LGI3: variants seen among roughly 807,000 people sequenced by gnomAD.
LGI3 encodes the protein leucine rich repeat LGI family member 3.
A neutral mutation model predicts 55.4 loss-of-function variants in LGI3; 47 were observed. The observed-to-expected ratio is 0.85, with a 90% CI of 0.67 to 1.08. The LOEUF (loss-of-function observed/expected upper bound fraction) is 1.08. LGI3 is among the 50% of genes least tolerant of loss of function. The probability of loss-of-function intolerance (pLI) is 0.00; values close to 1 mark genes in which losing one functional copy is unlikely to be tolerated. For missense variants in LGI3, 664 were observed against 726.3 expected (o/e 0.91, Z 0.99); for synonymous variants, 326 against 315.0 (o/e 1.04, Z -0.37).
chr8:22,154,536 A>G lies in LGI3; in HGVS notation c.350+24T>C, dbSNP rs201119376. 316 of 1,609,038 alleles carry G rather than the reference A, an allele frequency of 2.0e-4. 3 individuals carry two copies. In the East Asian group the frequency reaches 6.7e-3, roughly 34 times the overall value. On this transcript the variant is annotated intron_variant, in intron 3 of 7. Coordinates refer to ENST00000306317, the MANE Select transcript of LGI3 (RefSeq NM_139278.4). ...GGGTCCCCCTCCCTTCTGCTTTCCC[A>G]TTGCCCCTTTCCCTCCCACACACAG...
At chr8:22,154,251 G>A in intron 3 of LGI3, 38 bp from the exon 4 acceptor site, 1 of 1,540,022 alleles carries the variant, frequency 6.5e-7, no homozygotes, top group Non-Finnish European at 9.0e-7. Context: ...GCTCACACAG[G>A]ATGCCAGACC....
At chr8:22,150,390 G>A (rs918474161) in intron 7 of LGI3, among the ~76,000 whole-genome samples, 16 of 113,364 alleles carry the variant, frequency 1.4e-4, no homozygotes, top group Admixed American at 6.6e-4. Context: ...ATGGAGTCTC[G>A]CTCTGTCACC....
At chr8:22,152,706 A>T (rs1827395267) in intron 5 of LGI3, among the ~76,000 whole-genome samples, 1 of 143,276 alleles carries the variant, frequency 7.0e-6, no homozygotes, top group Non-Finnish European at 1.5e-5. Context: ...ACGCCATTGC[A>T]CTCCAGCCTG....
chr8:22,148,118 C>T lies in LGI3; in HGVS notation c.*42G>A. 2 of 1,503,932 alleles carry T rather than the reference C, an allele frequency of 1.3e-6. No homozygotes were observed. Among genetic ancestry groups the T allele is most frequent in the Non-Finnish European group, 8.9e-7 (1 of 1,120,578 alleles). The allele number at this position is 1,503,932 out of a possible 1,614,324, so 93.2% of individuals were successfully genotyped here. ...GTGCTCACAGAGGCCCCCACCCATC[C>T]TCCAGTGGCCACCCTGAGGAGACCA... On this transcript the variant is annotated 3_prime_UTR_variant, in exon 8 of 8. Coordinates refer to ENST00000306317, the MANE Select transcript of LGI3 (RefSeq NM_139278.4). This position sits in a 1 kb window ranked among gnomAD's most constrained non-coding sequence, Gnocchi z 7.0.
At chr8:22,154,681 C>A in intron 2 of LGI3, 50 bp from the exon 3 acceptor site, 2 of 1,354,968 alleles carry the variant, frequency 1.5e-6, no homozygotes, top group South Asian at 2.3e-5. Flanking sequence ...GCCTGCTGCC[C>A]CAGCCCCCAG....
intron 5 of LGI3, among the ~76,000 whole-genome samples, chr8:22,152,325 A>T (rs530765529): frequency 6.6e-6 from 1 of 152,322 alleles, no homozygotes; most frequent in South Asian, 2.1e-4. Flanking sequence ...TTATTTTCTT[A>T]TAAATAACAA....
At position 22,156,423 on chromosome 8, in the gene LGI3, C is replaced by T. The variant is rs775717889; in HGVS notation, c.120G>A (p.Pro40=). The change falls in exon 1 of 8, where the codon CCG becomes CCA. Residue 40 remains proline (P), a synonymous_variant. Coordinates refer to ENST00000306317, the MANE Select transcript of LGI3 (RefSeq NM_139278.4). ...AKRPPKTPPC[P]PSCSCTRDTA... is the part of the protein sequence containing the mutation. ...TGTCCCTGGTGCAAGAGCAGCTGGGCGGGCAGGGGGGCGTCTTGGGGGGCC... is the reference window on the plus strand; with the variant it reads ...TGTCCCTGGTGCAAGAGCAGCTGGGTGGGCAGGGGGGCGTCTTGGGGGGCC... 2.5e-6 allele frequency: 4 copies of T among 1,585,022 alleles called. No individual in the cohort carries two copies. The highest frequency in any genetic ancestry group is 1.1e-5 in the South Asian group (1 of 88,010).
At position 22,156,602 on chromosome 8, in the gene LGI3, G is replaced by T; in HGVS notation, c.-60C>A. The T allele has an allele frequency of 1.7e-6, 1 of 585,380 alleles. No homozygotes were observed. Among genetic ancestry groups the T allele is most frequent in the Non-Finnish European group, 2.4e-6 (1 of 418,146 alleles). 36.3% of individuals were successfully genotyped at this position (585,380 alleles called of 1,614,324 possible). A position where few individuals can be genotyped will look rare whatever the true frequency, so the allele number is the denominator to read the frequency against. On this transcript the variant is annotated 5_prime_UTR_variant, in exon 1 of 8. Coordinates refer to ENST00000306317, the MANE Select transcript of LGI3 (RefSeq NM_139278.4). The stretch of plus-strand genomic sequence containing the variant: ...CGGCCCCCGCCCCACCGCTCCCGCG[G>T]CTGGGCCACCCCGCGCGGGCTGGCA...
intron 3 of LGI3, 166 bp downstream of exon 3, chr8:22,154,394 C>A: frequency 1.3e-6 from 1 of 778,400 alleles, no homozygotes; most frequent in African/African-American, 1.7e-5. Flanking sequence ...ATGAATGAAA[C>A]GACCTTCTGC....
At position 22,148,927 on chromosome 8, in the gene LGI3, C is replaced by T. The variant is rs776385263; in HGVS notation, c.880G>A (p.Val294Met). Reference sequence around the variant, plus strand: ...CCGCCAAACAGCTGGGCCACGACCACGTACAGCTGGCTGTCCACCACCATC... The same window carrying T: ...CCGCCAAACAGCTGGGCCACGACCATGTACAGCTGGCTGTCCACCACCATC... ...KPMVVDSQLY[V>M]VVAQLFGGSY... The change falls in exon 8 of 8, where the codon GTG (valine) becomes ATG (methionine). Residue 294 changes from valine (V) to methionine (M), a missense_variant. Physicochemically the swap from Val to Met is conservative, Grantham distance 21. Coordinates refer to ENST00000306317, the MANE Select transcript of LGI3 (RefSeq NM_139278.4). This position sits in a 1 kb window ranked among gnomAD's most constrained non-coding sequence, Gnocchi z 7.0. 9 of 1,614,018 alleles carry T rather than the reference C, an allele frequency of 5.6e-6. No individual in the cohort carries two copies. The highest frequency in any genetic ancestry group is 2.7e-5 in the African/African-American group (2 of 75,050).
chr8:22,154,009 C>T lies in LGI3; in HGVS notation c.453G>A (p.Leu151=), dbSNP rs1478536284. The T allele has an allele frequency of 9.3e-6, 15 of 1,614,080 alleles. No individual in the cohort carries two copies. Among genetic ancestry groups the T allele is most frequent in the Non-Finnish European group, 1.3e-5 (15 of 1,180,050 alleles). Reference sequence around the variant, plus strand: ...CCAGGGGCCGGAAGATGTCTCTGGGCAGTGTCTGCAGGTTATTGTTGGCCA... The same window carrying T: ...CCAGGGGCCGGAAGATGTCTCTGGGTAGTGTCTGCAGGTTATTGTTGGCCA... ...LSLANNNLQT[L]PRDIFRPLDI... Residue 151 remains leucine, a synonymous_variant, in exon 5 of 8, where the codon CTG becomes CTA. Transcript: ENST00000306317.
chr8:22,151,759 G>C, intron 6 of LGI3, 72 bp downstream of exon 6: 1 of 1,560,876 alleles, frequency 6.4e-7, no homozygotes, highest in Non-Finnish European at 8.7e-7. Context: ...GGGGCAGGGT[G>C]GGGGGTTTCG....
chr8:22,153,640 G>A (rs1387753240), intron 5 of LGI3, among the ~76,000 whole-genome samples: 1 of 151,802 alleles, frequency 6.6e-6, no homozygotes, highest in Non-Finnish European at 1.5e-5. Context: ...CTGAGAGGTG[G>A]AGGTTGCAGT....
chr8:22,155,391 C>A lies in LGI3; in HGVS notation c.278+1G>T. On this transcript the variant is annotated splice_donor_variant, in intron 2 of 7. Transcript: ENST00000306317. LOFTEE classifies it high-confidence loss of function. ...ACCCTTCCACAAGGCCCTATCCATA[C>A]AAGAACTGCAGCAGCGGGAGGTGGG... 5 of 1,613,834 alleles carry A rather than the reference C, an allele frequency of 3.1e-6. No homozygotes were observed. Among genetic ancestry groups the A allele is most frequent in the Non-Finnish European group, 4.2e-6 (5 of 1,179,868 alleles).
At chr8:22,149,039 C>T in intron 7 of LGI3, 62 bp from the exon 8 acceptor site, 1 of 1,269,440 alleles carries the variant, frequency 7.9e-7, no homozygotes, top group Non-Finnish European at 1.1e-6. Flanking sequence ...CATCCAACCC[C>T]CTTGGAGAAG....
intron 5 of LGI3, 112 bp downstream of exon 5, chr8:22,153,856 C>A (rs758906667): frequency 2.7e-6 from 3 of 1,114,474 alleles, no homozygotes; most frequent in Non-Finnish European, 2.7e-6. Flanking sequence ...CCCACCCAAG[C>A]CTTCCCAGCC....
At position 22,148,360 on chromosome 8, in the gene LGI3, G is replaced by T. The variant is rs766773615; in HGVS notation, c.1447C>A (p.Leu483Met). ...FLVGGRRYLA[L>M]GSDFSFTQIY... ...TGGGTGAAGGAGAAATCACTGCCCA[G>T]TGCCAGGTAGCGGCGGCCACCCACA... is the stretch of plus-strand genomic sequence containing the variant. Residue 483 changes from leucine to methionine, a missense_variant, in exon 8 of 8, where the codon CTG becomes ATG. Physicochemically the swap from Leu to Met is conservative, Grantham distance 15. Coordinates refer to ENST00000306317, the MANE Select transcript of LGI3 (RefSeq NM_139278.4). This position sits in a 1 kb window ranked among gnomAD's most constrained non-coding sequence, Gnocchi z 7.0. 143 of 1,613,826 alleles carry T rather than the reference G, an allele frequency of 8.9e-5. No homozygotes were observed. The highest frequency in any genetic ancestry group is 1.2e-4 in the Non-Finnish European group (136 of 1,179,966).
In LGI3 at chr8:22,148,099, A is replaced by T; in HGVS notation, c.*61T>A. On this transcript the variant is annotated 3_prime_UTR_variant, in exon 8 of 8. Coordinates refer to ENST00000306317, the MANE Select transcript of LGI3 (RefSeq NM_139278.4). The surrounding 1 kb of genome is among the most constrained non-coding windows in gnomAD (Gnocchi z 7.0). ...CTTCACACAGGCATACGTGGTGCTC[A>T]CAGAGGCCCCCACCCATCCTCCAGT... 1 of 1,402,316 alleles carries T rather than the reference A, an allele frequency of 7.1e-7. No individual in the cohort carries two copies. 86.9% of individuals were successfully genotyped at this position (1,402,316 alleles called of 1,614,324 possible). A position where few individuals can be genotyped will look rare whatever the true frequency, so the allele number is the denominator to read the frequency against.
rs1827474531 is a variant in LGI3 at position 22,155,391 on chromosome 8, C to G, written c.278+1G>C. The G allele has an allele frequency of 1.9e-6, 3 of 1,613,834 alleles. No homozygotes were observed. The highest frequency in any genetic ancestry group is 1.1e-5 in the South Asian group (1 of 91,072). On this transcript the variant is annotated splice_donor_variant, in intron 2 of 7. Coordinates refer to ENST00000306317, the MANE Select transcript of LGI3 (RefSeq NM_139278.4). LOFTEE classifies it high-confidence loss of function. Reference sequence around the variant, plus strand: ...ACCCTTCCACAAGGCCCTATCCATACAAGAACTGCAGCAGCGGGAGGTGGG... The same window carrying G: ...ACCCTTCCACAAGGCCCTATCCATAGAAGAACTGCAGCAGCGGGAGGTGGG...
Sources: allele counts gnomAD v4.1 joint callset (sites outside exome capture counted in the v4.1 genomes callset), GRCh38; gene constraint gnomAD v4.1.1; non-coding constraint Gnocchi (gnomAD v3.1); transcripts MANE v1.5; gene names NCBI Gene and HGNC (gene_info 2026-07-23, HGNC 2026-07-21).